CAB39: variants seen among roughly 807,000 people sequenced by gnomAD.
The protein encoded by CAB39 is calcium binding protein 39, also known as calcium-binding protein 39.
In CAB39, 8 loss-of-function variants were observed where a neutral mutation model predicts 40.0. The observed-to-expected ratio is 0.20, with a 90% CI of 0.12 to 0.36. The LOEUF (loss-of-function observed/expected upper bound fraction) is 0.36. CAB39 is among the 10% of genes least tolerant of loss of function. The pLI, the probability that CAB39 is intolerant of heterozygous loss-of-function variation, is 1.00. For synonymous variants in CAB39, 156 were observed against 141.6 expected (o/e 1.10, Z -0.72); for missense variants, 270 against 401.1 (o/e 0.67, Z 2.79).
intron 8 of CAB39, 101 bp from the exon 9 acceptor site, chr2:230,818,415 C>A: frequency 1.1e-6 from 1 of 916,268 alleles, no homozygotes; most frequent in Non-Finnish European, 1.7e-6. Flanking sequence ...CAGCGCCATC[C>A]CAGGAGAGCA....
intron 1 of CAB39, among the ~76,000 whole-genome samples, chr2:230,724,681 TA>T (rs950882539): frequency 2.7e-5 from 1 of 36,880 alleles, no homozygotes; most frequent in Non-Finnish European, 5.0e-5. Context: ...AAACTCCATC[TA>T]AAAAAAACAC....
chr2:230,735,739 T>G (rs1335953181), intron 1 of CAB39, among the ~76,000 whole-genome samples: 1 of 151,928 alleles, frequency 6.6e-6, no homozygotes, highest in Non-Finnish European at 1.5e-5. Flanking sequence ...GGTCTTGAAC[T>G]CCTGTGCTTA....
At chr2:230,775,296 T>C (rs1695566952) in intron 2 of CAB39, among the ~76,000 whole-genome samples, 2 of 151,540 alleles carry the variant, frequency 1.3e-5, no homozygotes, top group Non-Finnish European at 2.9e-5. Context: ...AGTGTAGTGG[T>C]GTGATCTCGG....
At chr2:230,764,140 A>G (rs2124924025) in intron 2 of CAB39, among the ~76,000 whole-genome samples, 1 of 152,114 alleles carries the variant, frequency 6.6e-6, no homozygotes, top group Admixed American at 6.6e-5. Context: ...AAAAAACAAA[A>G]CAAAGAAAGT....
intron 1 of CAB39, among the ~76,000 whole-genome samples, chr2:230,755,262 T>C (rs1695170211): frequency 6.6e-6 from 1 of 152,232 alleles, no homozygotes; most frequent in African/African-American, 2.4e-5. Flanking sequence ...ACCAGGAGTG[T>C]AGAAGTGTTC....
rs917188672 is a variant in CAB39 at position 230,819,312 on chromosome 2, C to G, written c.*608C>G. The G allele has an allele frequency of 3.9e-5, 6 of 152,634 alleles. No individual in the cohort carries two copies. The highest frequency in any genetic ancestry group is 1.4e-4 in the African/African-American group (6 of 41,456). The allele number at this position is 152,634 out of a possible 1,614,324, so 9.5% of individuals were successfully genotyped here. A position where few individuals can be genotyped will look rare whatever the true frequency, so the allele number is the denominator to read the frequency against. ...ATAAGGAAAATGTATATATGCTTTTCACAGCTTTCTAGAATTTTTTGACAT... is the reference window on the plus strand; with the variant it reads ...ATAAGGAAAATGTATATATGCTTTTGACAGCTTTCTAGAATTTTTTGACAT... On this transcript the variant is annotated 3_prime_UTR_variant, in exon 9 of 9. Coordinates refer to ENST00000258418, the MANE Select transcript of CAB39 (RefSeq NM_016289.4).
intron 1 of CAB39, among the ~76,000 whole-genome samples, chr2:230,715,539 C>T (rs1008901103): frequency 5.3e-5 from 8 of 152,160 alleles, no homozygotes; most frequent in Non-Finnish European, 4.4e-5. Flanking sequence ...GTGTCCCTTC[C>T]CACTCCCCAC....
At chr2:230,802,882 G>A (rs1696116968) in intron 5 of CAB39, among the ~76,000 whole-genome samples, 1 of 152,182 alleles carries the variant, frequency 6.6e-6, no homozygotes, top group South Asian at 2.1e-4. Context: ...AACAGAAAAA[G>A]AGGGAATCTT....
intron 1 of CAB39, among the ~76,000 whole-genome samples, chr2:230,714,293 G>C (rs1434268849): frequency 6.6e-6 from 1 of 152,196 alleles, no homozygotes; most frequent in African/African-American, 2.4e-5. Flanking sequence ...AGGCGCTCTT[G>C]TGAAAGGAGA....
At chr2:230,721,869 C>T (rs890156377) in intron 1 of CAB39, among the ~76,000 whole-genome samples, 2 of 150,728 alleles carry the variant, frequency 1.3e-5, no homozygotes, top group African/African-American at 2.4e-5. Flanking sequence ...AACACACCCT[C>T]CCCCCCAGGA....
At chr2:230,751,111 T>G (rs1303205573) in intron 1 of CAB39, among the ~76,000 whole-genome samples, 2 of 152,260 alleles carry the variant, frequency 1.3e-5, no homozygotes, top group Non-Finnish European at 2.9e-5. Flanking sequence ...ATGCATGTAC[T>G]ACATTTCACA....
chr2:230,774,116 A>G (rs1695542193), intron 2 of CAB39, among the ~76,000 whole-genome samples: 1 of 152,078 alleles, frequency 6.6e-6, no homozygotes. Flanking sequence ...TATTACTTTG[A>G]CTCATTATAT....
At chr2:230,722,165 A>G (rs1027192698) in intron 1 of CAB39, among the ~76,000 whole-genome samples, 3 of 152,088 alleles carry the variant, frequency 2.0e-5, no homozygotes, top group Admixed American at 6.6e-5. Flanking sequence ...CTTAGGTCTT[A>G]CTACATAGAA....
intron 2 of CAB39, among the ~76,000 whole-genome samples, chr2:230,777,084 CT>C (rs1695605392): frequency 6.6e-6 from 1 of 152,120 alleles, no homozygotes; most frequent in Admixed American, 6.5e-5. Flanking sequence ...CGAGAAAGAT[CT>C]TTGTTTCCTT....
intron 1 of CAB39, among the ~76,000 whole-genome samples, chr2:230,748,831 A>AAAAAAAATATATAT (rs1386799920): frequency 3.5e-4 from 10 of 28,514 alleles, no homozygotes; most frequent in South Asian, 1.6e-3. Context: ...AAAAAAAAAA[A>AAAAAAAATATATAT]ATATATATAT....
At chr2:230,802,301 A>G (rs1696104509) in intron 5 of CAB39, among the ~76,000 whole-genome samples, 1 of 152,226 alleles carries the variant, frequency 6.6e-6, no homozygotes, top group Admixed American at 6.5e-5. Context: ...AATGCCCACA[A>G]GAGAAAGCAG....
Position 230,756,047 on chromosome 2 carries a change from G to T in CAB39, c.-43-3912G>T, listed in dbSNP as rs567422678. Among the ~76,000 whole-genome samples the T allele has an allele frequency of 8.9e-4, 135 of 152,322 alleles. 1 individual carries two copies. The highest frequency in any genetic ancestry group is 1.8e-3 in the Non-Finnish European group (122 of 68,028). On this transcript the variant is annotated intron_variant, in intron 1 of 8. Coordinates refer to ENST00000258418, the MANE Select transcript of CAB39 (RefSeq NM_016289.4). ...TTGGAAGGCAGCGTCCCCCCCGGGA[G>T]AAAGCAGTACCAGCTGAAGAGTCCA...
chr2:230,730,419 A>G (rs928396590), intron 1 of CAB39, among the ~76,000 whole-genome samples: 5 of 151,402 alleles, frequency 3.3e-5, no homozygotes. Context: ...GAATGACTAA[A>G]AACTATACAT....
intron 1 of CAB39, among the ~76,000 whole-genome samples, chr2:230,726,598 C>T (rs944838180): frequency 2.6e-5 from 4 of 152,106 alleles, no homozygotes; most frequent in African/African-American, 4.8e-5. Flanking sequence ...GTGCCTTAAC[C>T]TTCCCATGTA....
Sources: gnomAD v4.1 joint callset for allele counts (sites outside exome capture counted in the v4.1 genomes callset) on GRCh38, gnomAD v4.1.1 for gene constraint, MANE v1.5 for transcripts, NCBI Gene and HGNC (gene_info 2026-07-23, HGNC 2026-07-21) for gene names.